ADGRL3: variants seen among roughly 807,000 people sequenced by gnomAD.
ADGRL3 encodes the protein calcium-independent alpha-latrotoxin receptor 3.
A neutral mutation model predicts 153.5 loss-of-function variants in ADGRL3; 62 were observed. The observed-to-expected ratio is 0.40, with a 90% CI of 0.33 to 0.50. ADGRL3 has a LOEUF of 0.50. Among genes scored for constraint, ADGRL3 ranks in the 20% least tolerant of loss-of-function variants. The pLI, the probability that ADGRL3 is intolerant of heterozygous loss-of-function variation, is 0.47. For synonymous variants in ADGRL3, 710 were observed against 672.5 expected (o/e 1.06, Z -0.86); for missense variants, 1,641 against 1,859.4 (o/e 0.88, Z 2.16).
At chr4:61,669,339 G>T (rs567968830) in intron 5 of ADGRL3, among the ~76,000 whole-genome samples, 1 of 152,092 alleles carries the variant, frequency 6.6e-6, no homozygotes. Flanking sequence ...CAAGTCTTAG[G>T]ATGACAGGCA....
At chr4:61,969,195 G>A (rs1052926203) in intron 17 of ADGRL3, among the ~76,000 whole-genome samples, 19 of 152,108 alleles carry the variant, frequency 1.2e-4, no homozygotes, top group African/African-American at 4.6e-4. Flanking sequence ...CAGGTGTGTT[G>A]AGCAATCAAG....
intron 1 of ADGRL3, among the ~76,000 whole-genome samples, chr4:61,300,203 A>G (rs1025975791): frequency 6.6e-6 from 1 of 152,204 alleles, no homozygotes; most frequent in Non-Finnish European, 1.5e-5. Flanking sequence ...CATGGCCTTC[A>G]TTCAATGTTT....
chr4:61,228,845 C>T (rs544563691), intron 1 of ADGRL3, among the ~76,000 whole-genome samples: 3 of 152,130 alleles, frequency 2.0e-5, no homozygotes, highest in Non-Finnish European at 4.4e-5. Context: ...GAACCTGCCA[C>T]CATACCCTGC....
intron 2 of ADGRL3, among the ~76,000 whole-genome samples, chr4:61,403,483 G>A (rs1578666325): frequency 6.6e-6 from 1 of 152,152 alleles, no homozygotes; most frequent in East Asian, 1.9e-4. Flanking sequence ...GAGGTGCTGG[G>A]AGGCCATTGC....
intron 8 of ADGRL3, among the ~76,000 whole-genome samples, chr4:61,794,849 A>G (rs1051387861): frequency 6.6e-6 from 1 of 152,238 alleles, no homozygotes; most frequent in Non-Finnish European, 1.5e-5. Flanking sequence ...CTTGTGAACT[A>G]ATGACAATTT....
At chr4:61,645,956 C>T (rs2093958809) in intron 5 of ADGRL3, among the ~76,000 whole-genome samples, 1 of 152,162 alleles carries the variant, frequency 6.6e-6, no homozygotes, top group Non-Finnish European at 1.5e-5. Flanking sequence ...TTCACATAGT[C>T]CCATATTTCT....
At chr4:61,893,211 G>A (rs1226584223) in intron 10 of ADGRL3, among the ~76,000 whole-genome samples, 1 of 148,584 alleles carries the variant, frequency 6.7e-6, no homozygotes, top group South Asian at 2.1e-4. Flanking sequence ...ACTAAATTCT[G>A]AACTCAGCTA....
rs1468703855 is a variant in ADGRL3 at position 62,076,072 on chromosome 4, G to A, written c.*5164G>A. 2.6e-5 allele frequency: 4 copies of A among 151,872 alleles called. No homozygotes were observed. The highest frequency in any genetic ancestry group is 2.0e-4 in the Admixed American group (3 of 15,212). The allele number at this position is 151,872 out of a possible 1,614,324, so 9.4% of individuals were successfully genotyped here. ...CCTGCAGAAGAAGTAGCTTGTTTAC[G>A]ATATTTAAAACTTTGTGATTTCTGC... On this transcript the variant is annotated 3_prime_UTR_variant, in exon 27 of 27. Coordinates refer to ENST00000683033, the MANE Select transcript of ADGRL3 (RefSeq NM_001387552.1).
chr4:61,567,889 G>A (rs529007605), intron 4 of ADGRL3, among the ~76,000 whole-genome samples: 15 of 152,172 alleles, frequency 9.9e-5, no homozygotes, highest in African/African-American at 2.6e-4. Context: ...TAAACATGAC[G>A]TTTTGTCTTC....
intron 8 of ADGRL3, among the ~76,000 whole-genome samples, chr4:61,771,103 A>T (rs931682757): frequency 6.6e-6 from 1 of 152,186 alleles, no homozygotes; most frequent in African/African-American, 2.4e-5. Context: ...TTAAGGTGTG[A>T]ATTCTACCCC....
At chr4:61,278,790 G>A (rs139643817) in intron 1 of ADGRL3, among the ~76,000 whole-genome samples, 2,559 of 152,286 alleles carry the variant, frequency 0.017, 66 homozygotes, top group African/African-American at 0.057. Flanking sequence ...ACAGGTGTGA[G>A]CCACTGCACC....
intron 1 of ADGRL3, among the ~76,000 whole-genome samples, chr4:61,227,771 A>G (rs1312774185): frequency 6.6e-6 from 1 of 152,202 alleles, no homozygotes; most frequent in Non-Finnish European, 1.5e-5. Context: ...CACAGTCGAC[A>G]TATGCTGCAA....
chr4:62,003,273 T>A (rs1267312416), intron 21 of ADGRL3, among the ~76,000 whole-genome samples: 1 of 152,130 alleles, frequency 6.6e-6, no homozygotes, highest in Non-Finnish European at 1.5e-5. Context: ...CTCCTTAGGT[T>A]TTATATGAGT....
intron 1 of ADGRL3, among the ~76,000 whole-genome samples, chr4:61,335,912 T>C (rs942642685): frequency 2.6e-5 from 4 of 152,216 alleles, no homozygotes; most frequent in Non-Finnish European, 5.9e-5. Context: ...AAAAGAAGTT[T>C]TCAATTAAGT....
At chr4:61,957,162 C>T (rs1376047328) in intron 17 of ADGRL3, among the ~76,000 whole-genome samples, 1 of 152,106 alleles carries the variant, frequency 6.6e-6, no homozygotes, top group Middle Eastern at 3.2e-3. Context: ...TTCGTCCTAT[C>T]CATGAAGATG....
At chr4:61,570,002 T>C (rs2098831900) in intron 4 of ADGRL3, among the ~76,000 whole-genome samples, 2 of 152,188 alleles carry the variant, frequency 1.3e-5, no homozygotes, top group African/African-American at 4.8e-5. Context: ...ATATTTGGAT[T>C]GTTTTGATTT....
intron 21 of ADGRL3, 148 bp downstream of exon 21, chr4:61,998,413 A>G: frequency 2.2e-6 from 1 of 447,324 alleles, no homozygotes; most frequent in Non-Finnish European, 3.9e-6. Flanking sequence ...TGACTATCAA[A>G]GTGACTTGAT....
At chr4:61,459,260 CAAAT>C (rs975631164) in intron 2 of ADGRL3, among the ~76,000 whole-genome samples, 6 of 151,660 alleles carry the variant, frequency 4.0e-5, no homozygotes, top group African/African-American at 9.7e-5. Flanking sequence ...TAGTAAAAAA[CAAAT>C]AAAGTCTTTG....
chr4:61,688,934 C>T (rs2095493364), intron 6 of ADGRL3, among the ~76,000 whole-genome samples: 1 of 152,094 alleles, frequency 6.6e-6, no homozygotes, highest in Non-Finnish European at 1.5e-5. Flanking sequence ...TAAAATACAT[C>T]AGACAAATTT....
Sources: allele counts gnomAD v4.1 joint callset (sites outside exome capture counted in the v4.1 genomes callset), GRCh38; gene constraint gnomAD v4.1.1; transcripts MANE v1.5; gene names NCBI Gene and HGNC (gene_info 2026-07-23, HGNC 2026-07-21).